Variants in AK3 observed in about 807,000 individuals in gnomAD.
AK3 encodes the protein adenylate kinase 3.
AK3 carries 27 observed loss-of-function variants against 23.7 expected under a neutral mutation model. That is an observed-to-expected ratio of 1.14 (90% CI 0.84 to 1.57). AK3 has a LOEUF of 1.57. Among genes scored for constraint, AK3 ranks in the 40% most tolerant of loss-of-function variants. AK3 has a pLI of 0.00. For synonymous variants in AK3, 159 were observed against 116.0 expected, an observed-to-expected ratio of 1.37 and a Z score of -2.38; for missense variants, 406 against 285.6, an observed-to-expected ratio of 1.42 and a Z score of -3.04.
In AK3 at chr9:4,740,938, T is replaced by C; in HGVS notation, c.150A>G (p.Thr50=). ...CGGCCCTGGGCCCAGAGCTCCCACC[T>C]GTGCCCCGCAGCATGTTGTCCCGGA... is the stretch of plus-strand genomic sequence containing the variant. The part of the protein sequence containing the change: ...DLLRDNMLRG[T]EIGVLAKAFI... The change falls in exon 1 of 5, where the codon ACA becomes ACG. Residue 50 remains threonine, a splice_region_variant and synonymous_variant. Transcript: ENST00000381809. 1 of 1,562,832 alleles carries C rather than the reference T, an allele frequency of 6.4e-7. No homozygotes were observed. The highest frequency in any genetic ancestry group is 1.8e-5 in the Admixed American group (1 of 54,188).
chr9:4,722,671 C>G (rs756457506), intron 1 of AK3, 46 bp from the exon 2 acceptor site: 1 of 1,612,804 alleles, frequency 6.2e-7, no homozygotes, highest in African/African-American at 1.3e-5. Flanking sequence ...TTTGTTTTAT[C>G]CCATTCCAGG....
chr9:4,712,805 T>C lies in AK3; in HGVS notation c.*171A>G. On this transcript the variant is annotated 3_prime_UTR_variant, in exon 5 of 5. Transcript: ENST00000381809. ...GATGATTTCAAACGATGCATCTTAG[T>C]ATCCGAATCATTTGGCACATCCTTA... 1 of 653,954 alleles carries C rather than the reference T, an allele frequency of 1.5e-6. No individual in the cohort carries two copies. The highest frequency in any genetic ancestry group is 2.4e-6 in the Non-Finnish European group (1 of 418,080). The allele number at this position is 653,954 out of a possible 1,614,324, so 40.5% of individuals were successfully genotyped here.
chr9:4,740,043 C>T (rs1437068599), intron 1 of AK3, among the ~76,000 whole-genome samples: 1 of 141,674 alleles, frequency 7.1e-6, no homozygotes, highest in Non-Finnish European at 1.5e-5. Context: ...GCACGTCTAT[C>T]CTGTTTGCTA....
chr9:4,722,398 C>G, intron 2 of AK3, 108 bp downstream of exon 2: 1 of 1,509,090 alleles, frequency 6.6e-7, no homozygotes, highest in Non-Finnish European at 9.0e-7. Flanking sequence ...AAGCACCCCT[C>G]TCCCCAAACC....
intron 1 of AK3, among the ~76,000 whole-genome samples, chr9:4,737,717 C>G (rs1308512718): frequency 6.6e-6 from 1 of 152,002 alleles, no homozygotes; most frequent in Non-Finnish European, 1.5e-5. Flanking sequence ...GGGACTCTGT[C>G]TCAAAAAAAT....
At chr9:4,727,248 G>C (rs771966316) in intron 1 of AK3, among the ~76,000 whole-genome samples, 2 of 152,180 alleles carry the variant, frequency 1.3e-5, no homozygotes, top group Non-Finnish European at 2.9e-5. Flanking sequence ...CCTGTCCTTT[G>C]AAGCTTTGAA....
chr9:4,726,166 G>T (rs1001211774), intron 1 of AK3, among the ~76,000 whole-genome samples: 1 of 152,030 alleles, frequency 6.6e-6, no homozygotes, highest in Non-Finnish European at 1.5e-5. Context: ...GCTGATGGAG[G>T]GTCTTGCCTC....
In AK3 at chr9:4,739,720, A is replaced by C. The variant is rs184915613; in HGVS notation, c.151+1217T>G. ...GCCGAGCCGGGTGGATCACGAGGTCAGGAGATGGGGACCAGCCTGGCTAAC... is the reference window on the plus strand; with the variant it reads ...GCCGAGCCGGGTGGATCACGAGGTCCGGAGATGGGGACCAGCCTGGCTAAC... On this transcript the variant is annotated intron_variant, in intron 1 of 4. Transcript: ENST00000381809. 5.4e-3 allele frequency among the ~76,000 whole-genome samples: 827 copies of C among 152,092 alleles called. 6 individuals are homozygous for C. Among genetic ancestry groups the C allele is most frequent in the African/African-American group, 0.019 (792 of 41,460 alleles).
rs116248918 is a variant in AK3 at position 4,733,679 on chromosome 9, G to A, written c.151+7258C>T. ...CTCCCCTTCCCATTCACTCTGCTTC[G>A]GATAAATTCTGATTTTGACAATTAC... is the stretch of plus-strand genomic sequence containing the variant. On this transcript the variant is annotated intron_variant, in intron 1 of 4. Transcript: ENST00000381809. 3.7e-3 allele frequency among the ~76,000 whole-genome samples: 562 copies of A among 152,144 alleles called. 4 individuals are homozygous for A. The highest frequency in any genetic ancestry group is 0.013 in the African/African-American group (537 of 41,494).
chr9:4,718,098 C>T (rs76440675), intron 4 of AK3, among the ~76,000 whole-genome samples: 1 of 152,312 alleles, frequency 6.6e-6, no homozygotes, highest in East Asian at 1.9e-4. Flanking sequence ...GGAAAGGTTA[C>T]CCCTCAGCCC....
chr9:4,737,894 T>G (rs1460068281), intron 1 of AK3, among the ~76,000 whole-genome samples: 1 of 152,148 alleles, frequency 6.6e-6, no homozygotes, highest in African/African-American at 2.4e-5. Context: ...ATTTTAAACC[T>G]TAGCTATAAA....
At chr9:4,715,212 G>A (rs1466211491) in intron 4 of AK3, among the ~76,000 whole-genome samples, 7 of 92,062 alleles carry the variant, frequency 7.6e-5, no homozygotes, top group South Asian at 7.8e-4. Flanking sequence ...GTGAGACTCC[G>A]TCTCAAAAAA....
At chr9:4,727,330 C>G (rs4484749) in intron 1 of AK3, among the ~76,000 whole-genome samples, 1 of 151,994 alleles carries the variant, frequency 6.6e-6, no homozygotes. Flanking sequence ...AAGGCTGTTT[C>G]GTTTACATTG....
intron 1 of AK3, among the ~76,000 whole-genome samples, chr9:4,728,848 T>TACACAC (rs1305610708): frequency 1.9e-4 from 5 of 26,320 alleles, no homozygotes; most frequent in African/African-American, 4.5e-4. Flanking sequence ...TATATATATA[T>TACACAC]ATATATATAT....
chr9:4,719,247 A>G lies in AK3; in HGVS notation c.332T>C (p.Val111Ala). The part of the protein sequence containing the change: ...ALDRAYQIDT[V>A]INLNVPFEVI... ...CTCAAAGGGCACATTCAGGTTAATCACTGTGTCGATCTGATAAGCTCTATC... is the reference window on the plus strand; with the variant it reads ...CTCAAAGGGCACATTCAGGTTAATCGCTGTGTCGATCTGATAAGCTCTATC... Residue 111 changes from valine (V) to alanine (A), a missense_variant, in exon 3 of 5, where the codon GTG becomes GCG. Physicochemically the swap from Val to Ala is moderately conservative, Grantham distance 64. Transcript: ENST00000381809. 6.2e-7 allele frequency: 1 copy of G among 1,610,816 alleles called. No homozygotes were observed. Among genetic ancestry groups the G allele is most frequent in the Non-Finnish European group, 8.5e-7 (1 of 1,179,052 alleles).
chr9:4,717,760 C>G (rs1841776192), intron 4 of AK3, among the ~76,000 whole-genome samples: 1 of 152,134 alleles, frequency 6.6e-6, no homozygotes, highest in Non-Finnish European at 1.5e-5. Flanking sequence ...ATGATTTCGC[C>G]CAACTGTAGG....
intron 1 of AK3, among the ~76,000 whole-genome samples, chr9:4,732,902 G>A (rs1842187878): frequency 6.7e-6 from 1 of 149,588 alleles, no homozygotes; most frequent in South Asian, 2.1e-4. Context: ...AGCCAATGCA[G>A]TGGCATGATT....
chr9:4,736,062 C>T (rs910066829), intron 1 of AK3, among the ~76,000 whole-genome samples: 1 of 150,052 alleles, frequency 6.7e-6, no homozygotes, highest in South Asian at 2.1e-4. Flanking sequence ...TTACAGTGAG[C>T]CGAGATCGTG....
At chr9:4,728,368 C>T (rs556245402) in intron 1 of AK3, among the ~76,000 whole-genome samples, 63 of 152,186 alleles carry the variant, frequency 4.1e-4, no homozygotes, top group African/African-American at 1.4e-3. Context: ...GTCAGGAGTT[C>T]GAGACCAGCC....
Sources: allele counts gnomAD v4.1 joint callset (sites outside exome capture counted in the v4.1 genomes callset), GRCh38; gene constraint gnomAD v4.1.1; transcripts MANE v1.5; gene names NCBI Gene and HGNC (gene_info 2026-07-23, HGNC 2026-07-21).